MAGI1: variants seen among roughly 807,000 people sequenced by gnomAD.
The protein encoded by MAGI1 is membrane-associated guanylate kinase, WW and PDZ domain-containing protein 1.
Under a neutral mutation model 139.9 loss-of-function variants are expected in MAGI1, and 58 were observed. The observed-to-expected ratio is 0.41, with a 90% CI of 0.34 to 0.52. MAGI1 has a LOEUF of 0.52. Ranked by LOEUF, MAGI1 falls within the 20% of genes least tolerant of loss-of-function variation. The probability of loss-of-function intolerance (pLI) is 0.12; values close to 1 mark genes in which losing one functional copy is unlikely to be tolerated. For synonymous variants in MAGI1, 812 were observed against 737.9 expected (o/e 1.10, Z -1.63); for missense variants, 1,874 against 1,901.6 (o/e 0.99, Z 0.27).
intron 1 of MAGI1, among the ~76,000 whole-genome samples, chr3:66,004,113 G>A (rs947201087): frequency 1.3e-5 from 2 of 152,148 alleles, no homozygotes; most frequent in Non-Finnish European, 2.9e-5. Context: ...AAAAAATCCT[G>A]CTCGGATTTT....
At chr3:65,680,793 GAT>G (rs375316541) in intron 1 of MAGI1, among the ~76,000 whole-genome samples, 12 of 96,924 alleles carry the variant, frequency 1.2e-4, no homozygotes, top group African/African-American at 9.6e-4. Flanking sequence ...GATATGATAT[GAT>G]ATACTTTAAT....
intron 2 of MAGI1, among the ~76,000 whole-genome samples, chr3:65,562,408 T>C (rs2080401303): frequency 6.6e-6 from 1 of 152,202 alleles, no homozygotes; most frequent in Non-Finnish European, 1.5e-5. Context: ...CATCTTAGAA[T>C]TGATAAATAT....
chr3:65,877,034 C>T (rs546867194), intron 1 of MAGI1, among the ~76,000 whole-genome samples: 8 of 152,154 alleles, frequency 5.3e-5, no homozygotes, highest in Admixed American at 6.5e-5. Flanking sequence ...TGAGCCACTG[C>T]GCCTGGCCTA....
chr3:65,817,167 C>G (rs1160572696), intron 1 of MAGI1, among the ~76,000 whole-genome samples: 3 of 152,158 alleles, frequency 2.0e-5, no homozygotes, highest in African/African-American at 4.8e-5. Flanking sequence ...TACATGACTA[C>G]ATATGTCAAT....
chr3:65,368,273 G>T (rs1941631413), intron 18 of MAGI1, among the ~76,000 whole-genome samples: 1 of 152,124 alleles, frequency 6.6e-6, no homozygotes, highest in Non-Finnish European at 1.5e-5. Flanking sequence ...CAAGGCACAT[G>T]GACAGATTAG....
intron 1 of MAGI1, among the ~76,000 whole-genome samples, chr3:65,735,361 G>GTGTGTGTGTGTGTGTGTGTGTGTT (rs1221976758): frequency 2.1e-4 from 25 of 117,860 alleles, no homozygotes; most frequent in African/African-American, 7.3e-4. Flanking sequence ...CTGCACGTGT[G>GTGTGTGTGTGTGTGTGTGTGTGTT]TGTGTGTGTG....
intron 1 of MAGI1, among the ~76,000 whole-genome samples, chr3:66,031,245 TTG>T (rs1431218766): frequency 6.6e-6 from 1 of 152,244 alleles, no homozygotes; most frequent in Non-Finnish European, 1.5e-5. Context: ...ATCCTGTTAC[TTG>T]TATATACAAA....
Position 65,518,184 on chromosome 3 carries a change from C to T in MAGI1, c.431-24553G>A, listed in dbSNP as rs58466952. 9.3e-3 allele frequency among the ~76,000 whole-genome samples: 1,413 copies of T among 152,192 alleles called. 31 individuals carry two copies. Among genetic ancestry groups the T allele is most frequent in the African/African-American group, 0.033 (1,369 of 41,536 alleles). ...GTCTAGGTTTCAGCCTAAAGACTAT[C>T]TTAACCCCAAAGGCTTCTCTGACCC... is the stretch of plus-strand genomic sequence containing the variant. On this transcript the variant is annotated intron_variant, in intron 2 of 22. Transcript: ENST00000402939.
At chr3:65,530,726 CACGTATATATATATGCACATAT>C (rs2078639019) in intron 2 of MAGI1, among the ~76,000 whole-genome samples, 3 of 126,148 alleles carry the variant, frequency 2.4e-5, no homozygotes, top group African/African-American at 9.8e-5. Flanking sequence ...TATATATACA[CACGTATATATATATGCACATAT>C]ATATACACGT....
chr3:65,593,677 C>T (rs1344773927), intron 2 of MAGI1, among the ~76,000 whole-genome samples: 1 of 152,102 alleles, frequency 6.6e-6, no homozygotes, highest in African/African-American at 2.4e-5. Context: ...ATAATGACTG[C>T]ATAAGGTCAA....
At chr3:65,604,474 G>C (rs2082637441) in intron 2 of MAGI1, among the ~76,000 whole-genome samples, 1 of 152,126 alleles carries the variant, frequency 6.6e-6, no homozygotes, top group East Asian at 1.9e-4. Flanking sequence ...TAATAACAGA[G>C]AAACGATATC....
chr3:65,645,601 A>G (rs2085214577), intron 1 of MAGI1, among the ~76,000 whole-genome samples: 1 of 152,176 alleles, frequency 6.6e-6, no homozygotes, highest in Admixed American at 6.5e-5. Context: ...AAGAGGGAAG[A>G]AAAACAATGA....
chr3:65,618,854 C>T (rs1243140606), intron 2 of MAGI1, among the ~76,000 whole-genome samples: 4 of 152,118 alleles, frequency 2.6e-5, no homozygotes, highest in Non-Finnish European at 4.4e-5. Flanking sequence ...GTGACTTGTG[C>T]CAGGCCACAC....
intron 2 of MAGI1, among the ~76,000 whole-genome samples, chr3:65,497,326 G>T (rs1254720799): frequency 6.6e-6 from 1 of 152,124 alleles, no homozygotes; most frequent in East Asian, 1.9e-4. Flanking sequence ...ATCGTCAAAG[G>T]AGACTAAGCA....
At chr3:65,729,176 T>C (rs376740460) in intron 1 of MAGI1, among the ~76,000 whole-genome samples, 2 of 145,514 alleles carry the variant, frequency 1.4e-5, no homozygotes, top group Admixed American at 7.2e-5. Context: ...TCTACAAGTA[T>C]ATTCATATAG....
intron 2 of MAGI1, among the ~76,000 whole-genome samples, chr3:65,540,890 C>G (rs2079178972): frequency 6.6e-6 from 1 of 152,206 alleles, no homozygotes; most frequent in Non-Finnish European, 1.5e-5. Flanking sequence ...CTGGGAAGAG[C>G]AGCCAGGCTG....
At chr3:65,579,022 G>T (rs1195595415) in intron 2 of MAGI1, among the ~76,000 whole-genome samples, 4 of 151,882 alleles carry the variant, frequency 2.6e-5, no homozygotes, top group African/African-American at 9.7e-5. Context: ...GCGGGGGAGG[G>T]GTGGGGGTCA....
intron 1 of MAGI1, among the ~76,000 whole-genome samples, chr3:65,974,383 G>C (rs13086704): frequency 4.4e-5 from 4 of 90,926 alleles, no homozygotes; most frequent in African/African-American, 2.0e-4. Flanking sequence ...GGGTGGGCGG[G>C]TGGCTGGGTG....
intron 2 of MAGI1, among the ~76,000 whole-genome samples, chr3:65,498,760 T>C (rs1259943486): frequency 6.6e-6 from 1 of 152,230 alleles, no homozygotes; most frequent in Non-Finnish European, 1.5e-5. Context: ...GTTCCATATC[T>C]GTGCTGTCTA....
Sources: allele counts gnomAD v4.1 joint callset (sites outside exome capture counted in the v4.1 genomes callset), GRCh38; gene constraint gnomAD v4.1.1; transcripts MANE v1.5; gene names NCBI Gene and HGNC (gene_info 2026-07-23, HGNC 2026-07-21).